Variants in ADAMTS3 observed in about 807,000 individuals in gnomAD.
ADAMTS3 encodes A disintegrin and metalloproteinase with thrombospondin motifs 3.
Under a neutral mutation model 129.0 loss-of-function variants are expected in ADAMTS3, and 73 were observed. The ratio of observed to expected loss-of-function variants is 0.57; its 90% confidence interval spans 0.47 to 0.69. The LOEUF (loss-of-function observed/expected upper bound fraction) is 0.69. ADAMTS3 is among the 30% of genes least tolerant of loss of function. ADAMTS3 has a pLI of 0.00. For synonymous variants in ADAMTS3, 477 were observed against 510.8 expected, an observed-to-expected ratio of 0.93 and a Z score of 0.89; for missense variants, 1,457 against 1,514.5, an observed-to-expected ratio of 0.96 and a Z score of 0.63.
At chr4:72,399,834 T>C (rs1721842704) in intron 4 of ADAMTS3, among the ~76,000 whole-genome samples, 1 of 123,258 alleles carries the variant, frequency 8.1e-6, no homozygotes, top group Non-Finnish European at 1.8e-5. Flanking sequence ...TACGTGTGTA[T>C]ATATATACAC....
At chr4:72,495,468 AC>A (rs1385155557) in intron 3 of ADAMTS3, among the ~76,000 whole-genome samples, 1 of 152,150 alleles carries the variant, frequency 6.6e-6, no homozygotes, top group Admixed American at 6.6e-5. Flanking sequence ...TAATAAGCTT[AC>A]ATTTTATATA....
intron 4 of ADAMTS3, among the ~76,000 whole-genome samples, chr4:72,407,497 T>G (rs1722078999): frequency 6.6e-6 from 1 of 152,028 alleles, no homozygotes; most frequent in Non-Finnish European, 1.5e-5. Context: ...CCTGCCAAAG[T>G]GCTGATAAAG....
At position 72,282,901 on chromosome 4, in the gene ADAMTS3, C is replaced by T. The variant is rs1172480586; in HGVS notation, c.*235G>A. On this transcript the variant is annotated 3_prime_UTR_variant, in exon 22 of 22. Transcript: ENST00000286657. ...AACACAATCTTAGCAACATATTTTT[C>T]TTTTGTAATAATCTTTGGTGATTTC... 2.6e-6 allele frequency: 1 copy of T among 382,342 alleles called. No homozygotes were observed. Among genetic ancestry groups the T allele is most frequent in the East Asian group, 4.2e-5 (1 of 23,718 alleles). The allele number at this position is 382,342 out of a possible 1,614,324, so 23.7% of individuals were successfully genotyped here. A position where few individuals can be genotyped will look rare whatever the true frequency, so the allele number is the denominator to read the frequency against.
rs183655371 is a variant in ADAMTS3 at position 72,370,450 on chromosome 4, C to T, written c.662-30757G>A. Reference sequence around the variant, plus strand: ...TTATTGTATCATTTGCTTATTATATCTGCGCTGCCATTTACATGGGATAAA... The same window carrying T: ...TTATTGTATCATTTGCTTATTATATTTGCGCTGCCATTTACATGGGATAAA... On this transcript the variant is annotated intron_variant, in intron 4 of 21. Coordinates refer to ENST00000286657, the MANE Select transcript of ADAMTS3 (RefSeq NM_014243.3). Among the ~76,000 whole-genome samples, 10 of 152,276 alleles carry T rather than the reference C, an allele frequency of 6.6e-5. No individual in the cohort carries two copies. In the East Asian group the frequency reaches 1.5e-3, roughly 23 times the overall value.
chr4:72,355,461 A>G (rs1720559874), intron 4 of ADAMTS3, among the ~76,000 whole-genome samples: 1 of 152,048 alleles, frequency 6.6e-6, no homozygotes, highest in Non-Finnish European at 1.5e-5. Flanking sequence ...TGCAATATAA[A>G]TCACCACAGC....
At position 72,568,831 on chromosome 4, in the gene ADAMTS3, C is replaced by CCACAA; in HGVS notation, c.-70_-69insTTGTG. The CCACAA allele has an allele frequency of 1.7e-6, 2 of 1,177,370 alleles. No homozygotes were observed. The highest frequency in any genetic ancestry group is 2.4e-6 in the Non-Finnish European group (2 of 829,352). The allele number at this position is 1,177,370 out of a possible 1,614,324, so 72.9% of individuals were successfully genotyped here. Reference sequence around the variant, plus strand: ...CCAGAGCAAACCCACCCCCCCCGCCCAAAATAAGTTTCTTTAAGAAAAAAA... The same window carrying CCACAA: ...CCAGAGCAAACCCACCCCCCCCGCCCCACAAAAAATAAGTTTCTTTAAGAAAAAAA... On this transcript the variant is annotated 5_prime_UTR_variant, in exon 1 of 22. Transcript: ENST00000286657.
At chr4:72,548,437 C>T (rs1347206941) in intron 3 of ADAMTS3, 41 bp downstream of exon 3, 1 of 1,588,590 alleles carries the variant, frequency 6.3e-7, no homozygotes. Flanking sequence ...GCTGCACTCC[C>T]AGCACCTGCA....
intron 3 of ADAMTS3, among the ~76,000 whole-genome samples, chr4:72,528,868 T>C (rs1486109736): frequency 1.3e-5 from 2 of 152,074 alleles, no homozygotes; most frequent in Admixed American, 6.6e-5. Context: ...CCAAGAATTG[T>C]TAAAAACCCA....
At chr4:72,540,602 G>A (rs112040981) in intron 3 of ADAMTS3, among the ~76,000 whole-genome samples, 58 of 152,222 alleles carry the variant, frequency 3.8e-4, no homozygotes, top group African/African-American at 8.9e-4. Context: ...TCACACACCC[G>A]GAGGTCTAGG....
chr4:72,514,456 T>A (rs1720399682), intron 3 of ADAMTS3, among the ~76,000 whole-genome samples: 1 of 152,154 alleles, frequency 6.6e-6, no homozygotes, highest in African/African-American at 2.4e-5. Context: ...TGTCTCAATG[T>A]CCAAGACCAA....
At position 72,397,940 on chromosome 4, in the gene ADAMTS3, T is replaced by TA. The variant is rs112625596; in HGVS notation, c.661+16874dup. 3.0e-4 allele frequency among the ~76,000 whole-genome samples: 45 copies of TA among 148,684 alleles called. 1 individual carries two copies. Among genetic ancestry groups the TA allele is most frequent in the South Asian group, 1.1e-3 (5 of 4,698 alleles). On this transcript the variant is annotated intron_variant, in intron 4 of 21. Coordinates refer to ENST00000286657, the MANE Select transcript of ADAMTS3 (RefSeq NM_014243.3). Reference sequence around the variant, plus strand: ...AAACTATGTAGGATACAATTTAATGTAAAAAAAAAATCACTACTGCATTGT... The same window carrying TA: ...AAACTATGTAGGATACAATTTAATGTAAAAAAAAAAATCACTACTGCATTGT...
At chr4:72,488,478 G>T (rs945953617) in intron 3 of ADAMTS3, among the ~76,000 whole-genome samples, 1 of 151,806 alleles carries the variant, frequency 6.6e-6, no homozygotes, top group African/African-American at 2.4e-5. Context: ...ATCAGTTTTT[G>T]AAATGTTTTG....
intron 3 of ADAMTS3, among the ~76,000 whole-genome samples, chr4:72,437,771 A>G (rs1388413730): frequency 6.6e-6 from 1 of 151,790 alleles, no homozygotes; most frequent in African/African-American, 2.4e-5. Context: ...TCAGACCCAT[A>G]AAGTAAACAA....
intron 5 of ADAMTS3, among the ~76,000 whole-genome samples, chr4:72,332,601 G>A (rs1400722524): frequency 6.6e-6 from 1 of 151,792 alleles, no homozygotes; most frequent in Non-Finnish European, 1.5e-5. Context: ...CTATTTACAG[G>A]GCCCTAAAAA....
intron 2 of ADAMTS3, among the ~76,000 whole-genome samples, chr4:72,555,369 T>C (rs1215882254): frequency 6.6e-6 from 1 of 151,740 alleles, no homozygotes; most frequent in Admixed American, 6.6e-5. Context: ...AGCCCTACAC[T>C]GCAGCATCAC....
chr4:72,507,891 C>T (rs2110030703), intron 3 of ADAMTS3, among the ~76,000 whole-genome samples: 1 of 152,268 alleles, frequency 6.6e-6, no homozygotes, highest in African/African-American at 2.4e-5. Flanking sequence ...CCTTTTTTGA[C>T]TTGCATATTT....
Position 72,498,067 on chromosome 4 carries a change from A to G in ADAMTS3, c.504+50411T>C, listed in dbSNP as rs572968174. On this transcript the variant is annotated intron_variant, in intron 3 of 21. Coordinates refer to ENST00000286657, the MANE Select transcript of ADAMTS3 (RefSeq NM_014243.3). ...GATGCTTCTGCAGATAATTGTGACT[A>G]CTTTCAGGCATAACTAAAAAGACCA... Among the ~76,000 whole-genome samples the G allele has an allele frequency of 8.0e-4, 122 of 152,162 alleles. 2 individuals are homozygous for G. Among genetic ancestry groups the G allele is most frequent in the African/African-American group, 2.9e-3 (119 of 41,560 alleles).
Position 72,404,382 on chromosome 4 carries a change from C to T in ADAMTS3, c.661+10433G>A, listed in dbSNP as rs553476354. ...ACCCACACATATATGGTCAAATGGT[C>T]CTCCACAAAAATACACAATGGGGAA... On this transcript the variant is annotated intron_variant, in intron 4 of 21. Coordinates refer to ENST00000286657, the MANE Select transcript of ADAMTS3 (RefSeq NM_014243.3). 1.7e-4 allele frequency among the ~76,000 whole-genome samples: 26 copies of T among 151,980 alleles called. No homozygotes were observed. In the South Asian group the frequency reaches 5.2e-3, roughly 30 times the overall value.
chr4:72,519,794 T>C (rs1476881712), intron 3 of ADAMTS3, among the ~76,000 whole-genome samples: 2 of 152,232 alleles, frequency 1.3e-5, no homozygotes, highest in Non-Finnish European at 2.9e-5. Flanking sequence ...TTTCTTCCTG[T>C]AGCTCGGAGT....
Sources: allele counts gnomAD v4.1 joint callset (sites outside exome capture counted in the v4.1 genomes callset), GRCh38; gene constraint gnomAD v4.1.1; transcripts MANE v1.5; gene names NCBI Gene and HGNC (gene_info 2026-07-23, HGNC 2026-07-21).